ZFAT: variants seen among roughly 807,000 people sequenced by gnomAD.
ZFAT encodes zinc finger protein ZFAT.
ZFAT carries 64 observed loss-of-function variants against 117.7 expected under a neutral mutation model. The ratio of observed to expected loss-of-function variants is 0.54; its 90% CI spans 0.44 to 0.67. The LOEUF is 0.67. ZFAT is among the 30% of genes least tolerant of loss of function. The pLI, the probability that ZFAT is intolerant of heterozygous loss-of-function variation, is 0.00. For synonymous variants in ZFAT, 679 were observed against 615.0 expected (o/e 1.10, Z -1.54); for missense variants, 1,433 against 1,584.5 (o/e 0.90, Z 1.62).
Position 134,583,964 on chromosome 8 carries a change from G to T in ZFAT, c.2755C>A (p.Arg919Ser), listed in dbSNP as rs1283369983. Residue 919 changes from arginine to serine, a missense_variant, in exon 10 of 16, where the codon CGT (arginine) becomes AGT (serine). Arg to Ser is a moderately radical substitution (Grantham distance 110, BLOSUM62 -1). Coordinates refer to ENST00000377838, the MANE Select transcript of ZFAT (RefSeq NM_020863.4). The part of the protein sequence containing the change: ...FKCSLCEYAT[R>S]SKSNLKAHMN... ...TGAGCCTTGAGGTTACTCTTGCTAC[G>T]AGTTGCATACTCACACAAAGAACAC... is the stretch of plus-strand genomic sequence containing the variant. The T allele has an allele frequency of 6.4e-7, 1 of 1,569,076 alleles. No individual in the cohort carries two copies. The highest frequency in any genetic ancestry group is 1.9e-5 in the Admixed American group (1 of 52,652).
chr8:134,499,746 A>G (rs994549766), intron 15 of ZFAT, among the ~76,000 whole-genome samples: 2 of 152,220 alleles, frequency 1.3e-5, no homozygotes, highest in African/African-American at 2.4e-5. Context: ...CCGGGGGACT[A>G]CGTTTTGAGT....
intron 2 of ZFAT, among the ~76,000 whole-genome samples, chr8:134,653,264 C>CTTTT (rs150558948): frequency 5.9e-5 from 5 of 84,662 alleles, no homozygotes; most frequent in Admixed American, 1.5e-4. Flanking sequence ...ACCCAAATGT[C>CTTTT]TTTTTTAAAA....
chr8:134,682,073 A>C (rs1338037878), intron 1 of ZFAT, among the ~76,000 whole-genome samples: 1 of 152,236 alleles, frequency 6.6e-6, no homozygotes, highest in Non-Finnish European at 1.5e-5. Flanking sequence ...GCTGTAACCA[A>C]AACAATGGCA....
intron 1 of ZFAT, among the ~76,000 whole-genome samples, chr8:134,675,539 T>C (rs905421451): frequency 6.6e-6 from 1 of 152,132 alleles, no homozygotes; most frequent in Non-Finnish European, 1.5e-5. Flanking sequence ...CTGCAGGATA[T>C]TATCCAGGAG....
At chr8:134,514,715 T>C (rs1330042176) in intron 13 of ZFAT, among the ~76,000 whole-genome samples, 2 of 152,198 alleles carry the variant, frequency 1.3e-5, no homozygotes, top group Non-Finnish European at 2.9e-5. Flanking sequence ...AGAATGTTTA[T>C]AAAAAAATTT....
intron 12 of ZFAT, among the ~76,000 whole-genome samples, chr8:134,524,486 C>G (rs927032891): frequency 6.6e-6 from 1 of 152,170 alleles, no homozygotes; most frequent in African/African-American, 2.4e-5. Context: ...TTCTTCACTT[C>G]CCTGTCTCTC....
chr8:134,594,585 T>C (rs965436618), intron 7 of ZFAT, among the ~76,000 whole-genome samples: 10 of 152,214 alleles, frequency 6.6e-5, no homozygotes, highest in East Asian at 1.9e-4. Flanking sequence ...CAATCACTAT[T>C]ACTATTCCTC....
intron 11 of ZFAT, among the ~76,000 whole-genome samples, chr8:134,562,662 A>G (rs902267908): frequency 1.3e-5 from 2 of 152,212 alleles, no homozygotes; most frequent in Non-Finnish European, 2.9e-5. Flanking sequence ...AGGGAGTCCA[A>G]GGGAAACCAG....
At chr8:134,816,929 A>G in the ZFAT span, among the ~76,000 whole-genome samples, 1 of 150,596 alleles carries the variant, frequency 6.6e-6, no homozygotes, top group Non-Finnish European at 1.5e-5. Flanking sequence ...TGCAGTGAGC[A>G]GAGATCATGC....
At chr8:134,564,667 T>C (rs1380706212) in intron 11 of ZFAT, among the ~76,000 whole-genome samples, 1 of 152,230 alleles carries the variant, frequency 6.6e-6, no homozygotes, top group East Asian at 1.9e-4. Flanking sequence ...GTGCCATGTG[T>C]GCCATGTTGC....
intron 7 of ZFAT, among the ~76,000 whole-genome samples, chr8:134,593,739 G>T (rs1169856280): frequency 1.3e-5 from 2 of 152,056 alleles, no homozygotes; most frequent in African/African-American, 4.8e-5. Context: ...AAAGGTGGGG[G>T]TTTCTACTCA....
At chr8:134,724,388 C>T in the ZFAT span, among the ~76,000 whole-genome samples, 1 of 152,240 alleles carries the variant, frequency 6.6e-6, no homozygotes, top group Non-Finnish European at 1.5e-5. Flanking sequence ...AGAACGCATG[C>T]CCCTGATGTG....
the ZFAT span, among the ~76,000 whole-genome samples, chr8:134,756,480 C>G: frequency 6.6e-6 from 1 of 152,226 alleles, no homozygotes; most frequent in African/African-American, 2.4e-5. Flanking sequence ...CTGCCCTCCC[C>G]GTTCTCCAGC....
At chr8:134,574,253 G>A (rs927665252) in intron 10 of ZFAT, among the ~76,000 whole-genome samples, 2 of 152,082 alleles carry the variant, frequency 1.3e-5, no homozygotes, top group Non-Finnish European at 2.9e-5. Flanking sequence ...CACCCATGTC[G>A]CCCTAGACCT....
intron 13 of ZFAT, among the ~76,000 whole-genome samples, chr8:134,512,812 C>A (rs1819957617): frequency 6.6e-6 from 1 of 152,214 alleles, no homozygotes. Flanking sequence ...TAAAAACTAG[C>A]TTTGGTAAAA....
At chr8:134,665,298 G>C (rs1054000663) in intron 1 of ZFAT, among the ~76,000 whole-genome samples, 2 of 152,240 alleles carry the variant, frequency 1.3e-5, no homozygotes, top group African/African-American at 2.4e-5. Flanking sequence ...CCTACTCTGA[G>C]GGACCCCTCC....
chr8:134,790,874 G>T, the ZFAT span, among the ~76,000 whole-genome samples: 1 of 152,038 alleles, frequency 6.6e-6, no homozygotes, highest in African/African-American at 2.4e-5. Context: ...AACTAGCCAG[G>T]CAAGGTGGTA....
chr8:134,620,761 A>G (rs994005088), intron 3 of ZFAT, among the ~76,000 whole-genome samples: 3 of 152,326 alleles, frequency 2.0e-5, no homozygotes, highest in Admixed American at 1.3e-4. Context: ...CACTTGTTTC[A>G]GAGAAAACCC....
At chr8:134,742,903 C>T in the ZFAT span, among the ~76,000 whole-genome samples, 1 of 152,204 alleles carries the variant, frequency 6.6e-6, no homozygotes. Flanking sequence ...CTCCTGCCAG[C>T]GCCTCACCCA....
Sources: gnomAD v4.1 joint callset for allele counts (sites outside exome capture counted in the v4.1 genomes callset) on GRCh38, gnomAD v4.1.1 for gene constraint, MANE v1.5 for transcripts, NCBI Gene and HGNC (gene_info 2026-07-23, HGNC 2026-07-21) for gene names.